SLC45A3: variants seen among roughly 807,000 people sequenced by gnomAD.
The protein encoded by SLC45A3 is solute carrier family 45 member 3.
In SLC45A3, 17 loss-of-function variants were observed where a neutral mutation model predicts 35.3. The ratio of observed to expected loss-of-function variants is 0.48; its 90% CI spans 0.33 to 0.72. The LOEUF (loss-of-function observed/expected upper bound fraction) is 0.72. Ranked by LOEUF, SLC45A3 falls within the 30% of genes least tolerant of loss-of-function variation. SLC45A3 has a pLI of 0.02. For synonymous variants in SLC45A3, 288 were observed against 334.3 expected, an observed-to-expected ratio of 0.86 and a Z score of 1.51; for missense variants, 597 against 731.7, an observed-to-expected ratio of 0.82 and a Z score of 2.12.
chr1:205,673,670 T>C (rs1671253453), intron 1 of SLC45A3, among the ~76,000 whole-genome samples: 1 of 152,204 alleles, frequency 6.6e-6, no homozygotes, highest in African/African-American at 2.4e-5. Context: ...CATTGGCCTG[T>C]AAGGCTTTAT....
intron 1 of SLC45A3, among the ~76,000 whole-genome samples, chr1:205,677,912 A>G (rs1433155494): frequency 6.6e-6 from 1 of 152,128 alleles, no homozygotes; most frequent in Non-Finnish European, 1.5e-5. Flanking sequence ...TAACAAAGCT[A>G]TACAGTAAGT....
Position 205,663,072 on chromosome 1 carries a change from T to TGGGGCGACAAGGAGG in SLC45A3, c.704_718dup (p.Pro235_Pro239dup). On this transcript the variant is annotated inframe_insertion, in exon 3 of 5. Coordinates refer to ENST00000367145, the MANE Select transcript of SLC45A3 (RefSeq NM_033102.3). ...CAAGCGGGCCCGGCATGGACAGCAGTGGGGCGACAAGGAGGGGGCCGACAG... is the reference window on the plus strand; with the variant it reads ...CAAGCGGGCCCGGCATGGACAGCAGTGGGGCGACAAGGAGGGGGGCGACAAGGAGGGGGCCGACAG... The TGGGGCGACAAGGAGG allele has an allele frequency of 1.2e-6, 2 of 1,606,234 alleles. No homozygotes were observed. The highest frequency in any genetic ancestry group is 1.7e-6 in the Non-Finnish European group (2 of 1,175,158).
Position 205,666,337 on chromosome 1 carries a change from CT to C in SLC45A3, c.-230-1452del. On this transcript the variant is annotated intron_variant, in intron 1 of 4. Coordinates refer to ENST00000367145, the MANE Select transcript of SLC45A3 (RefSeq NM_033102.3). The surrounding 1 kb of genome is among the most constrained non-coding windows in gnomAD (Gnocchi z 4.1). The stretch of plus-strand genomic sequence containing the variant: ...AGCCTGGGCAACACAGCGAGACCCC[CT>C]CTCTACAAAAAATTTAAAAATTATC... Among the ~76,000 whole-genome samples the C allele has an allele frequency of 1.3e-5, 2 of 152,178 alleles. No homozygotes were observed. Among genetic ancestry groups the C allele is most frequent in the East Asian group, 3.9e-4 (2 of 5,174 alleles).
chr1:205,663,607 C>G lies in SLC45A3; in HGVS notation c.184G>C (p.Val62Leu). 1 of 1,583,944 alleles carries G rather than the reference C, an allele frequency of 6.3e-7. No individual in the cohort carries two copies. Among genetic ancestry groups the G allele is most frequent in the Non-Finnish European group, 8.6e-7 (1 of 1,166,552 alleles). Residue 62 changes from valine (V) to leucine (L), a missense_variant, in exon 3 of 5, where the codon GTG (valine) becomes CTG (leucine). Transcript: ENST00000367145. ...AGCGGGACACAGACCAGGCCCAGCA[C>G]TGGACCAATGCCTGCAAGAAGGGAA... is the stretch of plus-strand genomic sequence containing the variant. ...FMTMVLGIGP[V>L]LGLVCVPLLG...
rs920547847 is a variant in SLC45A3 at position 205,669,848 on chromosome 1, C to A, written c.-230-4962G>T. Among the ~76,000 whole-genome samples, 1 of 152,194 alleles carries A rather than the reference C, an allele frequency of 6.6e-6. No individual in the cohort carries two copies. The highest frequency in any genetic ancestry group is 2.4e-5 in the African/African-American group (1 of 41,470). ...GGAAAGCGGGTGGGGTCACCCTGGGCCAACCTCCCGGACACACACCCCACC... is the reference window on the plus strand; with the variant it reads ...GGAAAGCGGGTGGGGTCACCCTGGGACAACCTCCCGGACACACACCCCACC... On this transcript the variant is annotated intron_variant, in intron 1 of 4. Transcript: ENST00000367145. This position sits in a 1 kb window ranked among gnomAD's most constrained non-coding sequence, Gnocchi z 4.1.
At chr1:205,678,848 G>A (rs1293943889) in intron 1 of SLC45A3, among the ~76,000 whole-genome samples, 1 of 152,186 alleles carries the variant, frequency 6.6e-6, no homozygotes, top group East Asian at 1.9e-4. Context: ...CCAACAGAAT[G>A]GCCTGCGACC....
chr1:205,670,793 C>G (rs1671199510), intron 1 of SLC45A3, among the ~76,000 whole-genome samples: 1 of 152,332 alleles, frequency 6.6e-6, no homozygotes, highest in South Asian at 2.1e-4. Flanking sequence ...ACTCAATTCC[C>G]CTTCCAGCTG....
chr1:205,661,853 A>G lies in SLC45A3; in HGVS notation c.1224+8T>C. The G allele has an allele frequency of 1.2e-6, 2 of 1,606,414 alleles. No individual in the cohort carries two copies. The highest frequency in any genetic ancestry group is 1.3e-5 in the African/African-American group (1 of 74,890). On this transcript the variant is annotated splice_region_variant and intron_variant, in intron 4 of 4. Transcript: ENST00000367145. ...CCACCCTGACTCCACCCACTGGCCA[A>G]TGAGTACCTGCTTCTCCCGGTGGTA...
chr1:205,678,154 TA>T (rs1031470952), intron 1 of SLC45A3, among the ~76,000 whole-genome samples: 34 of 152,182 alleles, frequency 2.2e-4, no homozygotes, highest in African/African-American at 6.0e-4. Flanking sequence ...CTGTATCTAC[TA>T]AAAATACAAA....
intron 1 of SLC45A3, among the ~76,000 whole-genome samples, chr1:205,677,535 G>T (rs1671332357): frequency 6.6e-6 from 1 of 152,230 alleles, no homozygotes; most frequent in East Asian, 1.9e-4. Flanking sequence ...AGAGGAGGAA[G>T]TTGAAACAGT....
chr1:205,670,120 G>A (rs555547725), intron 1 of SLC45A3, among the ~76,000 whole-genome samples: 1 of 151,386 alleles, frequency 6.6e-6, no homozygotes, highest in Non-Finnish European at 1.5e-5. Flanking sequence ...CCACCCTCAC[G>A]GCAGCTCCAC....
chr1:205,665,420 G>C (rs534525975), intron 1 of SLC45A3, among the ~76,000 whole-genome samples: 2 of 152,286 alleles, frequency 1.3e-5, no homozygotes, highest in South Asian at 4.1e-4. Flanking sequence ...AGGGAGGAGA[G>C]GCTGTTTTGT....
At chr1:205,672,557 G>T (rs565637417) in intron 1 of SLC45A3, among the ~76,000 whole-genome samples, 1 of 152,302 alleles carries the variant, frequency 6.6e-6, no homozygotes, top group South Asian at 2.1e-4. Flanking sequence ...TCCAAGGTAG[G>T]TGTTTAATAT....
chr1:205,663,407 G>A lies in SLC45A3; in HGVS notation c.384C>T (p.Gly128=), dbSNP rs769911329. ...GGCCACAGAAGTCCAGCAGCCCCAC[G>A]CCCAGGATGAGCAGTGCCAGCTCCA... The part of the protein sequence containing the change: ...RPLELALLIL[G]VGLLDFCGQV... Residue 128 remains glycine (G), a synonymous_variant, in exon 3 of 5, where the codon GGC becomes GGT. Transcript: ENST00000367145. 7 of 1,613,126 alleles carry A rather than the reference G, an allele frequency of 4.3e-6. No individual in the cohort carries two copies. The highest frequency in any genetic ancestry group is 5.9e-6 in the Non-Finnish European group (7 of 1,179,934).
rs1240687536 is a variant in SLC45A3 at position 205,659,174 on chromosome 1, A to G, written c.*60T>C. Reference sequence around the variant, plus strand: ...AGCCCGGCAGCCCCATGGGGCTAACAGGAGCGGGGAGCTGGGACCCAGTGA... The same window carrying G: ...AGCCCGGCAGCCCCATGGGGCTAACGGGAGCGGGGAGCTGGGACCCAGTGA... On this transcript the variant is annotated 3_prime_UTR_variant, in exon 5 of 5. Coordinates refer to ENST00000367145, the MANE Select transcript of SLC45A3 (RefSeq NM_033102.3). This position sits in a 1 kb window ranked among gnomAD's most constrained non-coding sequence, Gnocchi z 5.8. The G allele has an allele frequency of 2.6e-6, 4 of 1,529,430 alleles. No individual in the cohort carries two copies. Among genetic ancestry groups the G allele is most frequent in the Non-Finnish European group, 2.7e-6 (3 of 1,130,090 alleles). The allele number at this position is 1,529,430 out of a possible 1,614,324, so 94.7% of individuals were successfully genotyped here. A position where few individuals can be genotyped will look rare whatever the true frequency, so the allele number is the denominator to read the frequency against.
chr1:205,678,990 A>T (rs1401090225), intron 1 of SLC45A3, among the ~76,000 whole-genome samples: 1 of 152,082 alleles, frequency 6.6e-6, no homozygotes, highest in African/African-American at 2.4e-5. Flanking sequence ...GGCCTCGGGC[A>T]GGTGAGTCTA....
At position 205,669,530 on chromosome 1, in the gene SLC45A3, A is replaced by C. The variant is rs570989765; in HGVS notation, c.-230-4644T>G. On this transcript the variant is annotated intron_variant, in intron 1 of 4. Transcript: ENST00000367145. This position sits in a 1 kb window ranked among gnomAD's most constrained non-coding sequence, Gnocchi z 4.1. ...TCTACTGACAGACAGAGGCCCGTGGAAGCCCAGGCTGGGGGCAGCCCCCAC... is the reference window on the plus strand; with the variant it reads ...TCTACTGACAGACAGAGGCCCGTGGCAGCCCAGGCTGGGGGCAGCCCCCAC... Among the ~76,000 whole-genome samples the C allele has an allele frequency of 2.0e-5, 3 of 152,178 alleles. No individual in the cohort carries two copies. Among genetic ancestry groups the C allele is most frequent in the Admixed American group, 1.3e-4 (2 of 15,308 alleles).
intron 1 of SLC45A3, among the ~76,000 whole-genome samples, chr1:205,672,935 G>A (rs1025844870): frequency 3.2e-4 from 48 of 152,288 alleles, no homozygotes; most frequent in African/African-American, 1.1e-3. Context: ...CATTCAGGAA[G>A]GGATTCATGT....
intron 1 of SLC45A3, among the ~76,000 whole-genome samples, chr1:205,667,017 C>A (rs1287710160): frequency 2.0e-5 from 3 of 152,148 alleles, no homozygotes; most frequent in Non-Finnish European, 2.9e-5. Context: ...TTTGTTAGAC[C>A]CAGCCTCGCC....
Sources: gnomAD v4.1 joint callset for allele counts (sites outside exome capture counted in the v4.1 genomes callset) on GRCh38, gnomAD v4.1.1 for gene constraint, Gnocchi (gnomAD v3.1) non-coding constraint, MANE v1.5 for transcripts, NCBI Gene and HGNC (gene_info 2026-07-23, HGNC 2026-07-21) for gene names.